The following QPCT variants were observed in gnomAD, a reference collection of about 807,000 sequenced individuals.
The protein encoded by QPCT is glutaminyl-peptide cyclotransferase.
In QPCT, 44 loss-of-function variants were observed where a neutral mutation model predicts 43.4. The ratio of observed to expected loss-of-function variants is 1.01; its 90% CI spans 0.80 to 1.30. The LOEUF is 1.30. QPCT is among the 50% of genes most tolerant of loss of function. The pLI is 0.00. For missense variants in QPCT, 526 were observed against 436.5 expected (o/e 1.21, Z -1.83); for synonymous variants, 168 against 168.4 (o/e 1.00, Z 0.02).
intron 3 of QPCT, among the ~76,000 whole-genome samples, chr2:37,360,757 ACTT>A (rs1485045669): frequency 6.6e-6 from 1 of 152,096 alleles, no homozygotes; most frequent in African/African-American, 2.4e-5. Flanking sequence ...TCTCCTTTTC[ACTT>A]CTTTTTTTTG....
chr2:37,351,064 C>T (rs1013916709), intron 1 of QPCT, among the ~76,000 whole-genome samples: 11 of 152,124 alleles, frequency 7.2e-5, no homozygotes, highest in African/African-American at 2.7e-4. Flanking sequence ...ACAGCCATCT[C>T]GGAGTATAGA....
At chr2:37,359,287 G>A (rs1672813728) in intron 2 of QPCT, among the ~76,000 whole-genome samples, 1 of 152,218 alleles carries the variant, frequency 6.6e-6, no homozygotes, top group African/African-American at 2.4e-5. Flanking sequence ...TATGTCGAAA[G>A]ATCTGCATCA....
chr2:37,359,877 T>C lies in QPCT; in HGVS notation c.546+19T>C. ...CTTAAAGGTATCTGTTTTCTGCTTA[T>C]TGATTCCTAGGATAAAGTACATTAA... On this transcript the variant is annotated intron_variant, in intron 3 of 6. Transcript: ENST00000338415. 3 of 1,609,336 alleles carry C rather than the reference T, an allele frequency of 1.9e-6. No individual in the cohort carries two copies. Among genetic ancestry groups the C allele is most frequent in the Non-Finnish European group, 2.6e-6 (3 of 1,176,148 alleles).
In QPCT at chr2:37,346,051, T is replaced by C. The variant is rs114681115; in HGVS notation, c.120+1200T>C. Among the ~76,000 whole-genome samples the C allele has an allele frequency of 8.2e-3, 1,249 of 152,338 alleles. 8 individuals are homozygous for C. The highest frequency in any genetic ancestry group is 0.012 in the Non-Finnish European group (792 of 68,030). On this transcript the variant is annotated intron_variant, in intron 1 of 6. Transcript: ENST00000338415. ...TGGCAGTGTTATTGAGCAGACCTTT[T>C]ACACACTTAGAGTATGCCTGTATTT...
intron 1 of QPCT, among the ~76,000 whole-genome samples, chr2:37,348,507 T>C (rs1672554709): frequency 6.6e-6 from 1 of 152,222 alleles, no homozygotes; most frequent in Non-Finnish European, 1.5e-5. Context: ...AATCTGAGAA[T>C]TGCCCGGGAG....
rs562549146 is a variant in QPCT at position 37,352,851 on chromosome 2, T to G, written c.183T>G (p.Ser61Arg). The G allele has an allele frequency of 1.2e-6, 2 of 1,614,206 alleles. No individual in the cohort carries two copies. Among genetic ancestry groups the G allele is most frequent in the Admixed American group, 1.7e-5 (1 of 60,032 alleles). The change falls in exon 2 of 7, where the codon AGT becomes AGG. Residue 61 changes from serine to arginine, a missense_variant. Transcript: ENST00000338415. The part of the protein sequence containing the change: ...SALRQIAEGT[S>R]ISEMWQNDLQ... ...TTCGGCAAATTGCAGAAGGCACCAG[T>G]ATCTCTGAAATGTGGCAAAATGACT...
intron 1 of QPCT, among the ~76,000 whole-genome samples, chr2:37,347,048 C>A (rs576524473): frequency 1.4e-5 from 2 of 147,716 alleles, no homozygotes; most frequent in East Asian, 4.0e-4. Context: ...AACCTGGAAA[C>A]AATTTTTCCA....
At chr2:37,368,591 C>T (rs896753642) in intron 4 of QPCT, 1 of 471,168 alleles carries the variant, frequency 2.1e-6, no homozygotes, top group Non-Finnish European at 4.4e-6. Flanking sequence ...GACCCTAACA[C>T]ACCTCCTGTT....
At chr2:37,346,173 C>T (rs1224624176) in intron 1 of QPCT, among the ~76,000 whole-genome samples, 1 of 152,204 alleles carries the variant, frequency 6.6e-6, no homozygotes, top group Non-Finnish European at 1.5e-5. Flanking sequence ...TTCTTCGGAT[C>T]TAATGTAATC....
At chr2:37,353,642 C>G (rs1558601975) in intron 2 of QPCT, among the ~76,000 whole-genome samples, 1 of 152,180 alleles carries the variant, frequency 6.6e-6, no homozygotes, top group Non-Finnish European at 1.5e-5. Flanking sequence ...CAAGCTGGGC[C>G]AGACCTTGAA....
chr2:37,358,944 T>C (rs1170674744), intron 2 of QPCT: 2 of 152,444 alleles, frequency 1.3e-5, no homozygotes, highest in Non-Finnish European at 2.9e-5. Context: ...TTGCTGGACT[T>C]GGACACATGT....
At chr2:37,357,944 A>G (rs1356234504) in intron 2 of QPCT, among the ~76,000 whole-genome samples, 1 of 152,154 alleles carries the variant, frequency 6.6e-6, no homozygotes, top group Non-Finnish European at 1.5e-5. Flanking sequence ...TTTAAGGTCC[A>G]TCCCAGATCT....
At chr2:37,364,157 A>T (rs1300500897) in intron 3 of QPCT, among the ~76,000 whole-genome samples, 1 of 152,240 alleles carries the variant, frequency 6.6e-6, no homozygotes, top group African/African-American at 2.4e-5. Flanking sequence ...GGAAAATAGA[A>T]TGAAGACATT....
At chr2:37,361,370 A>G (rs1449439885) in intron 3 of QPCT, among the ~76,000 whole-genome samples, 2 of 152,194 alleles carry the variant, frequency 1.3e-5, no homozygotes, top group East Asian at 1.9e-4. Context: ...TAGGACTGTC[A>G]TTACACATCC....
rs1558607426 is a variant in QPCT, at chr2:37,368,685, G to A, written c.724-1000G>A. The A allele has an allele frequency of 3.0e-5, 14 of 471,066 alleles. 1 individual carries two copies. In the Admixed American group the frequency reaches 3.1e-4, roughly 10 times the overall value. The allele number at this position is 471,066 out of a possible 1,614,324, so 29.2% of individuals were successfully genotyped here. ...GTCAGCATATCATTCATTCACTTGT[G>A]CCCAAGTGCCCAAAAAGCATTCAGA... On this transcript the variant is annotated intron_variant, in intron 4 of 6. Transcript: ENST00000338415.
chr2:37,371,489 A>G (rs1235864228), intron 5 of QPCT, among the ~76,000 whole-genome samples: 1 of 151,208 alleles, frequency 6.6e-6, no homozygotes, highest in African/African-American at 2.4e-5. Flanking sequence ...AATTATAAGT[A>G]TCAATAAACA....
chr2:37,353,540 T>C lies in QPCT; in HGVS notation c.267+605T>C, dbSNP rs563929984. 1.8e-3 allele frequency among the ~76,000 whole-genome samples: 281 copies of C among 152,254 alleles called. 1 individual carries two copies. Among genetic ancestry groups the C allele is most frequent in the African/African-American group, 6.6e-3 (276 of 41,542 alleles). On this transcript the variant is annotated intron_variant, in intron 2 of 6. Transcript: ENST00000338415. ...CAGCATTTTACTGCAATATGGTCAG[T>C]TCTATTTTATTGGTTCTTAAAAAAT...
intron 2 of QPCT, among the ~76,000 whole-genome samples, chr2:37,358,109 A>G (rs978979819): frequency 1.6e-5 from 2 of 127,188 alleles, no homozygotes; most frequent in East Asian, 2.1e-4. Flanking sequence ...ATGATACTTG[A>G]AAAAAAAAAA....
chr2:37,346,398 A>T (rs1672489907), intron 1 of QPCT, among the ~76,000 whole-genome samples: 1 of 152,252 alleles, frequency 6.6e-6, no homozygotes, highest in African/African-American at 2.4e-5. Flanking sequence ...AATTGGGAAG[A>T]GAACATTACA....
Sources: allele counts gnomAD v4.1 joint callset (sites outside exome capture counted in the v4.1 genomes callset), GRCh38; gene constraint gnomAD v4.1.1; transcripts MANE v1.5; gene names NCBI Gene and HGNC (gene_info 2026-07-23, HGNC 2026-07-21).